Variants in RFX5 observed in about 807,000 individuals in gnomAD.
RFX5 encodes the protein regulatory factor X5.
Under a neutral mutation model 41.2 loss-of-function variants are expected in RFX5, and 30 were observed. That is an observed-to-expected ratio of 0.73 (90% CI 0.54 to 0.99). RFX5 has a LOEUF of 0.99. Ranked by LOEUF, RFX5 falls within the 50% of genes least tolerant of loss-of-function variation. The pLI is 0.00. For missense variants in RFX5, 715 were observed against 773.6 expected, an observed-to-expected ratio of 0.92 and a Z score of 0.90; for synonymous variants, 231 against 291.8, an observed-to-expected ratio of 0.79 and a Z score of 2.12.
At chr1:151,345,560 C>T (rs992717318) in intron 4 of RFX5, 28 of 346,958 alleles carry the variant, frequency 8.1e-5, no homozygotes, top group Non-Finnish European at 1.5e-4. Flanking sequence ...TGCAGTGAGC[C>T]GAGATTGCGC....
Position 151,342,040 on chromosome 1 carries a change from A to T in RFX5, c.*146T>A, listed in dbSNP as rs1295282523. ...GGTCAGAGGCAGCAACCAGGTACTAAGTAGACTGGGTGACTCAGCTGTCTG... is the reference window on the plus strand; with the variant it reads ...GGTCAGAGGCAGCAACCAGGTACTATGTAGACTGGGTGACTCAGCTGTCTG... On this transcript the variant is annotated 3_prime_UTR_variant, in exon 11 of 11. Transcript: ENST00000452671. 1.1e-5 allele frequency: 13 copies of T among 1,154,516 alleles called. No homozygotes were observed. Among genetic ancestry groups the T allele is most frequent in the Non-Finnish European group, 1.7e-5 (13 of 775,886 alleles). The allele number at this position is 1,154,516 out of a possible 1,614,324, so 71.5% of individuals were successfully genotyped here.
At position 151,342,925 on chromosome 1, in the gene RFX5, G is replaced by C. The variant is rs762009013; in HGVS notation, c.1112C>G (p.Ala371Gly). 1.5e-5 allele frequency: 24 copies of C among 1,614,158 alleles called. No individual in the cohort carries two copies. The highest frequency in any genetic ancestry group is 2.0e-5 in the Non-Finnish European group (24 of 1,180,006). Residue 371 changes from alanine (A) to glycine (G), a missense_variant, in exon 11 of 11, where the codon GCC (alanine) becomes GGC (glycine). Coordinates refer to ENST00000452671, the MANE Select transcript of RFX5 (RefSeq NM_001025603.2). ...KVATLPLSSRAGAPPAAVPII... is the reference protein window; with the variant it reads ...KVATLPLSSRGGAPPAAVPII... Reference sequence around the variant, plus strand: ...GGGCACAGCTGCTGGGGGTGCCCCGGCCCTACTAGACAGAGGCAGTGTAGC... The same window carrying C: ...GGGCACAGCTGCTGGGGGTGCCCCGCCCCTACTAGACAGAGGCAGTGTAGC...
chr1:151,344,059 G>A, intron 8 of RFX5, 138 bp downstream of exon 8: 2 of 1,110,668 alleles, frequency 1.8e-6, no homozygotes, highest in South Asian at 1.4e-5. Flanking sequence ...CTCAGCTACA[G>A]GGTTGGCAGA....
intron 1 of RFX5, 117 bp downstream of exon 1, chr1:151,347,093 GA>G (rs1246838412): frequency 6.6e-6 from 1 of 152,358 alleles, no homozygotes; most frequent in Non-Finnish European, 1.5e-5. Flanking sequence ...AGAAGCTGTT[GA>G]AAATACAGCT....
Position 151,343,669 on chromosome 1 carries a change from G to A in RFX5, c.757+12C>T, listed in dbSNP as rs1432405815. The A allele has an allele frequency of 3.7e-6, 6 of 1,613,086 alleles. No homozygotes were observed. The highest frequency in any genetic ancestry group is 1.3e-5 in the African/African-American group (1 of 74,874). ...CTCAGGGTTGCTGAGACATAAGAGA[G>A]GGTCAACACACCAGCGAGCCCCATG... is the stretch of plus-strand genomic sequence containing the variant. On this transcript the variant is annotated intron_variant, in intron 9 of 10. Coordinates refer to ENST00000452671, the MANE Select transcript of RFX5 (RefSeq NM_001025603.2).
chr1:151,345,827 C>T, intron 4 of RFX5, 101 bp downstream of exon 4: 4 of 1,522,768 alleles, frequency 2.6e-6, no homozygotes, highest in Non-Finnish European at 3.6e-6. Flanking sequence ...GCAGAGGACC[C>T]TACCTCTCCC....
rs1277159057 is a variant in RFX5, at chr1:151,344,542, T to C, written c.354-6A>G. On this transcript the variant is annotated splice_region_variant and splice_polypyrimidine_tract_variant and intron_variant, in intron 6 of 10. Coordinates refer to ENST00000452671, the MANE Select transcript of RFX5 (RefSeq NM_001025603.2). ...CAAGACTCTCACAGTACTTCCTGAG[T>C]GAGAGGGGAGCAGAGTGGGAAGATA... The C allele has an allele frequency of 3.1e-6, 5 of 1,613,996 alleles. No homozygotes were observed. The highest frequency in any genetic ancestry group is 3.4e-6 in the Non-Finnish European group (4 of 1,180,014).
At chr1:151,345,218 A>T in intron 4 of RFX5, 30 bp from the exon 5 acceptor site, 1 of 1,580,112 alleles carries the variant, frequency 6.3e-7, no homozygotes, top group Non-Finnish European at 8.7e-7. Context: ...AGGCAGGAGA[A>T]ATAATAAGGC....
intron 4 of RFX5, among the ~76,000 whole-genome samples, chr1:151,345,609 C>T (rs1486801558): frequency 3.6e-5 from 3 of 84,396 alleles, no homozygotes; most frequent in African/African-American, 1.2e-4. Context: ...GAGACTCCAT[C>T]TCAAAAAAAA....
At chr1:151,344,625 A>T in intron 6 of RFX5, 89 bp from the exon 7 acceptor site, 1 of 1,601,066 alleles carries the variant, frequency 6.2e-7, no homozygotes, top group African/African-American at 1.3e-5. Flanking sequence ...AGTGTGAGGA[A>T]CCCTTTAAGA....
At chr1:151,343,648 G>A in intron 9 of RFX5, 33 bp downstream of exon 9, 1 of 1,606,878 alleles carries the variant, frequency 6.2e-7, no homozygotes, top group East Asian at 2.2e-5. Context: ...AAGTGGCTCA[G>A]GGTTGCTGAG....
intron 4 of RFX5, among the ~76,000 whole-genome samples, chr1:151,345,649 T>C (rs1557834620): frequency 1.3e-5 from 2 of 151,138 alleles, no homozygotes; most frequent in Non-Finnish European, 2.9e-5. Context: ...TATTTGATGC[T>C]AGGTGCTCTG....
intron 6 of RFX5, 25 bp downstream of exon 6, chr1:151,344,703 T>TCCCCCCCCC: frequency 2.0e-6 from 3 of 1,515,652 alleles, no homozygotes; most frequent in Non-Finnish European, 1.8e-6. Context: ...AATCCACTCA[T>TCCCCCCCCC]CCCACCACCC....
At chr1:151,344,301 C>CA in intron 7 of RFX5, 23 bp from the exon 8 acceptor site, 1 of 1,613,982 alleles carries the variant, frequency 6.2e-7, no homozygotes, top group Non-Finnish European at 8.5e-7. Context: ...AAAGAGCAGC[C>CA]AACACATGGC....
At chr1:151,346,982 G>A (rs1038068651) in intron 1 of RFX5, 7 of 152,774 alleles carry the variant, frequency 4.6e-5, no homozygotes, top group African/African-American at 1.7e-4. Flanking sequence ...TTTCTGCAAA[G>A]TGGAGCGGGG....
rs1433779645 is a variant in RFX5, at chr1:151,344,473, G to A, written c.417C>T (p.Ile139=). The A allele has an allele frequency of 6.2e-7, 1 of 1,614,204 alleles. No individual in the cohort carries two copies. The highest frequency in any genetic ancestry group is 8.5e-7 in the Non-Finnish European group (1 of 1,180,040). ...PLSTANFGKI[I]REIFPDIKAR... ...CTTTGATGTCAGGGAAGATCTCTCT[G>A]ATGATCTTGCCAAAGTTGGCTGTGC... Residue 139 remains isoleucine, a synonymous_variant, in exon 7 of 11, where the codon ATC becomes ATT. Transcript: ENST00000452671.
rs557882253 is a variant in RFX5 at position 151,345,671 on chromosome 1, A to G, written c.150+257T>C. ...TGCTAGGTGCTCTGAGGAGCCCTATAGGCTACCATGGAGAGGAGGGAAGTA... is the reference window on the plus strand; with the variant it reads ...TGCTAGGTGCTCTGAGGAGCCCTATGGGCTACCATGGAGAGGAGGGAAGTA... On this transcript the variant is annotated intron_variant, in intron 4 of 10. Coordinates refer to ENST00000452671, the MANE Select transcript of RFX5 (RefSeq NM_001025603.2). Among the ~76,000 whole-genome samples the G allele has an allele frequency of 7.2e-5, 11 of 152,030 alleles. No homozygotes were observed. In the South Asian group the frequency reaches 2.3e-3, roughly 32 times the overall value.
Position 151,343,050 on chromosome 1 carries a change from C to T in RFX5, c.987G>A (p.Leu329=), listed in dbSNP as rs756849128. 1.2e-6 allele frequency: 2 copies of T among 1,612,632 alleles called. No individual in the cohort carries two copies. The highest frequency in any genetic ancestry group is 1.7e-6 in the Non-Finnish European group (2 of 1,179,892). Residue 329 remains leucine, a synonymous_variant, in exon 11 of 11, where the codon CTG becomes CTA. Coordinates refer to ENST00000452671, the MANE Select transcript of RFX5 (RefSeq NM_001025603.2). The stretch of plus-strand genomic sequence containing the variant: ...GAGGGGCCCGGGGAAGGAGCAGAGG[C>T]AGCCGAGCCACTAGGGCATTAACCT... ...NLQVNALVAR[L]PLLLPRAPRS... is the part of the protein sequence containing the mutation.
intron 4 of RFX5, 135 bp downstream of exon 4, chr1:151,345,793 C>T (rs1650986875): frequency 3.8e-6 from 5 of 1,320,586 alleles, no homozygotes; most frequent in Non-Finnish European, 5.4e-6. Context: ...AGCAAGTTTG[C>T]AAAGCCAACT....
Sources: allele counts gnomAD v4.1 joint callset (sites outside exome capture counted in the v4.1 genomes callset), GRCh38; gene constraint gnomAD v4.1.1; transcripts MANE v1.5; gene names NCBI Gene and HGNC (gene_info 2026-07-23, HGNC 2026-07-21).